Variants in FARS2 observed in about 807,000 individuals in gnomAD.
FARS2 encodes phenylalanyl-tRNA synthetase 2, mitochondrial, also known as phenylalanine--tRNA ligase, mitochondrial.
In FARS2, 40 loss-of-function variants were observed where a neutral mutation model predicts 46.4. The observed-to-expected ratio is 0.86, with a 90% CI of 0.67 to 1.12. The LOEUF (loss-of-function observed/expected upper bound fraction) is 1.12. Among genes scored for constraint, FARS2 ranks in the 50% most tolerant of loss-of-function variants. The pLI, the probability that FARS2 is intolerant of heterozygous loss-of-function variation, is 0.00. For synonymous variants in FARS2, 234 were observed against 214.9 expected (o/e 1.09, Z -0.78); for missense variants, 513 against 567.9 (o/e 0.90, Z 0.98).
chr6:5,344,326 T>C (rs546519472), intron 1 of FARS2, among the ~76,000 whole-genome samples: 2 of 152,328 alleles, frequency 1.3e-5, no homozygotes, highest in South Asian at 2.1e-4. Flanking sequence ...CAGGGATTTG[T>C]AACAGATCAC....
At position 5,405,594 on chromosome 6, in the gene FARS2, G is replaced by A. The variant is rs1233434523; in HGVS notation, c.772+893G>A. Among the ~76,000 whole-genome samples the A allele has an allele frequency of 3.4e-5, 5 of 145,364 alleles. No homozygotes were observed. In the South Asian group the frequency reaches 6.7e-4, roughly 19 times the overall value. ...TGCAAGCTCTGCCTCCTGGGTTCAC[G>A]CCATTCTCCTGCCTCAGCCTCCTGA... is the stretch of plus-strand genomic sequence containing the variant. On this transcript the variant is annotated intron_variant, in intron 3 of 6. Transcript: ENST00000274680.
chr6:5,537,790 A>G (rs1277321034), intron 4 of FARS2, among the ~76,000 whole-genome samples: 2 of 152,214 alleles, frequency 1.3e-5, no homozygotes, highest in Non-Finnish European at 1.5e-5. Flanking sequence ...AAGTTCTAAG[A>G]TAAATTTTGT....
intron 4 of FARS2, among the ~76,000 whole-genome samples, chr6:5,524,104 A>G (rs1329322322): frequency 1.7e-5 from 2 of 114,792 alleles, no homozygotes; most frequent in Non-Finnish European, 3.8e-5. Context: ...CTCTACTGAC[A>G]ATAGATAATG....
At chr6:5,370,323 T>A (rs940181202) in intron 2 of FARS2, among the ~76,000 whole-genome samples, 1 of 151,856 alleles carries the variant, frequency 6.6e-6, no homozygotes, top group Non-Finnish European at 1.5e-5. Context: ...TAGCTTAGCC[T>A]TACACAAAAA....
rs77858876 is a variant in FARS2, at chr6:5,558,833, G to C, written c.1065+13493G>C. Among the ~76,000 whole-genome samples, 277 of 152,160 alleles carry C rather than the reference G, an allele frequency of 1.8e-3. 10 individuals carry two copies. In the East Asian group the frequency reaches 0.045, roughly 25 times the overall value. On this transcript the variant is annotated intron_variant, in intron 5 of 6. Coordinates refer to ENST00000274680, the MANE Select transcript of FARS2 (RefSeq NM_006567.5). ...CAGAATTTATTTTTTAACGCTCACTGTAAGATTTATTAATTACAAGTTATA... is the reference window on the plus strand; with the variant it reads ...CAGAATTTATTTTTTAACGCTCACTCTAAGATTTATTAATTACAAGTTATA...
intron 6 of FARS2, among the ~76,000 whole-genome samples, chr6:5,738,768 C>T (rs1429291713): frequency 3.4e-5 from 3 of 88,706 alleles, no homozygotes; most frequent in Admixed American, 2.4e-4. Flanking sequence ...ACAGACCATA[C>T]ATTTAGAAAA....
intron 4 of FARS2, among the ~76,000 whole-genome samples, chr6:5,483,914 C>T (rs1166868343): frequency 1.3e-5 from 2 of 152,040 alleles, no homozygotes; most frequent in Non-Finnish European, 2.9e-5. Context: ...CAGGGCCTGC[C>T]ACCAACACCA....
At chr6:5,408,956 T>G (rs1265075975) in intron 3 of FARS2, among the ~76,000 whole-genome samples, 3 of 152,228 alleles carry the variant, frequency 2.0e-5, no homozygotes, top group African/African-American at 7.2e-5. Context: ...ATATAAGCTG[T>G]CCAAGGTGTT....
intron 6 of FARS2, among the ~76,000 whole-genome samples, chr6:5,664,323 T>C (rs1777998321): frequency 6.6e-6 from 1 of 152,162 alleles, no homozygotes; most frequent in Non-Finnish European, 1.5e-5. Flanking sequence ...TCATTTCCAC[T>C]TAGAAAATGC....
chr6:5,290,352 C>G (rs888901725), intron 1 of FARS2, among the ~76,000 whole-genome samples: 1 of 152,106 alleles, frequency 6.6e-6, no homozygotes, highest in African/African-American at 2.4e-5. Context: ...GGACAGAAAC[C>G]ATGGTATCTC....
At position 5,771,581 on chromosome 6, in the gene FARS2, G is replaced by A. The variant is rs1763051972; in HGVS notation, c.*152G>A. The A allele has an allele frequency of 2.5e-6, 2 of 805,688 alleles. No individual in the cohort carries two copies. Among genetic ancestry groups the A allele is most frequent in the Non-Finnish European group, 3.8e-6 (2 of 530,560 alleles). 49.9% of individuals were successfully genotyped at this position (805,688 alleles called of 1,614,324 possible). On this transcript the variant is annotated 3_prime_UTR_variant, in exon 7 of 7. Coordinates refer to ENST00000274680, the MANE Select transcript of FARS2 (RefSeq NM_006567.5). ...GAAAATAAAAGATCGCTCTTGAAAA[G>A]CTGTTGACATAGCATTTGTCTTTTA...
chr6:5,395,485 C>G (rs1760847603), intron 2 of FARS2, among the ~76,000 whole-genome samples: 1 of 152,104 alleles, frequency 6.6e-6, no homozygotes, highest in Non-Finnish European at 1.5e-5. Flanking sequence ...TGGCCCTGAT[C>G]AGTTATTTAT....
chr6:5,575,212 G>A (rs1037810299), intron 5 of FARS2, among the ~76,000 whole-genome samples: 3 of 152,112 alleles, frequency 2.0e-5, no homozygotes, highest in African/African-American at 7.2e-5. Context: ...AAACAATGTG[G>A]CACTTAATCG....
intron 6 of FARS2, among the ~76,000 whole-genome samples, chr6:5,673,675 T>C (rs1005474603): frequency 3.9e-5 from 6 of 152,162 alleles, no homozygotes; most frequent in South Asian, 2.1e-4. Context: ...GCCATGTCGA[T>C]GATGCTTGTT....
At chr6:5,422,502 T>C (rs1220940660) in intron 3 of FARS2, among the ~76,000 whole-genome samples, 1 of 152,198 alleles carries the variant, frequency 6.6e-6, no homozygotes, top group Non-Finnish European at 1.5e-5. Flanking sequence ...TTGCACTGTC[T>C]GCTCCAGTGG....
intron 1 of FARS2, among the ~76,000 whole-genome samples, chr6:5,291,996 A>G (rs1267890148): frequency 6.6e-6 from 1 of 152,208 alleles, no homozygotes; most frequent in Non-Finnish European, 1.5e-5. Flanking sequence ...AGACAGATAC[A>G]TGCTGTGAGG....
intron 6 of FARS2, among the ~76,000 whole-genome samples, chr6:5,683,723 T>C (rs946328263): frequency 6.6e-6 from 1 of 152,154 alleles, no homozygotes; most frequent in Non-Finnish European, 1.5e-5. Flanking sequence ...ATCTAGGTTT[T>C]AAGCCCCGGA....
chr6:5,518,735 G>A (rs1026237033), intron 4 of FARS2, among the ~76,000 whole-genome samples: 1 of 152,072 alleles, frequency 6.6e-6, no homozygotes, highest in East Asian at 1.9e-4. Flanking sequence ...CATCATGCAA[G>A]AAATACATTT....
intron 4 of FARS2, among the ~76,000 whole-genome samples, chr6:5,470,262 C>G (rs889905002): frequency 6.6e-6 from 1 of 152,182 alleles, no homozygotes; most frequent in African/African-American, 2.4e-5. Context: ...AGTATAGCAA[C>G]TATTTACATA....
Sources: gnomAD v4.1 joint callset for allele counts (sites outside exome capture counted in the v4.1 genomes callset) on GRCh38, gnomAD v4.1.1 for gene constraint, MANE v1.5 for transcripts, NCBI Gene and HGNC (gene_info 2026-07-23, HGNC 2026-07-21) for gene names.